The following TMC1 variants were observed in gnomAD, a reference collection of about 807,000 sequenced individuals.
The protein encoded by TMC1 is transmembrane channel-like protein 1.
A neutral mutation model predicts 105.8 loss-of-function variants in TMC1; 84 were observed. The ratio of observed to expected loss-of-function variants is 0.79; its 90% CI spans 0.67 to 0.95. The LOEUF is 0.95. Ranked by LOEUF, TMC1 falls within the 40% of genes least tolerant of loss-of-function variation. The pLI, the probability that TMC1 is intolerant of heterozygous loss-of-function variation, is 0.00. For missense variants in TMC1, 817 were observed against 914.1 expected (o/e 0.89, Z 1.37); for synonymous variants, 315 against 311.5 (o/e 1.01, Z -0.12).
At chr9:72,706,407 T>A (rs1357802609) in intron 8 of TMC1, among the ~76,000 whole-genome samples, 2 of 152,150 alleles carry the variant, frequency 1.3e-5, no homozygotes, top group Non-Finnish European at 2.9e-5. Flanking sequence ...TTTCCATAAG[T>A]TTTTGGGGAA....
chr9:72,738,140 A>G (rs1314301078), intron 8 of TMC1, among the ~76,000 whole-genome samples: 1 of 152,190 alleles, frequency 6.6e-6, no homozygotes, highest in East Asian at 1.9e-4. Context: ...GGTCAATGCT[A>G]TGGAAGTTAC....
chr9:72,694,963 G>T (rs1054893026), intron 7 of TMC1, among the ~76,000 whole-genome samples: 6 of 152,142 alleles, frequency 3.9e-5, no homozygotes, highest in African/African-American at 1.4e-4. Context: ...ATAGGTCGTT[G>T]ACATATTACA....
At chr9:72,648,767 C>T in intron 5 of TMC1, 103 bp downstream of exon 5, 1 of 980,050 alleles carries the variant, frequency 1.0e-6, no homozygotes, top group Non-Finnish European at 1.6e-6. Context: ...TTTGTTCCCT[C>T]TTTTGGGGCT....
At chr9:72,563,674 G>A (rs916771253) in intron 1 of TMC1, among the ~76,000 whole-genome samples, 1 of 152,002 alleles carries the variant, frequency 6.6e-6, no homozygotes, top group Non-Finnish European at 1.5e-5. Flanking sequence ...TGAGATGGGT[G>A]GATCACCTGA....
chr9:72,758,041 T>A (rs1472527589), intron 12 of TMC1, among the ~76,000 whole-genome samples: 2 of 152,356 alleles, frequency 1.3e-5, no homozygotes, highest in East Asian at 3.9e-4. Context: ...TAGGATTATA[T>A]AGTCATTATC....
chr9:72,714,469 T>G (rs1457730217), intron 8 of TMC1, among the ~76,000 whole-genome samples: 1 of 152,226 alleles, frequency 6.6e-6, no homozygotes, highest in Non-Finnish European at 1.5e-5. Flanking sequence ...GCATATATAT[T>G]TAGGATAGTT....
chr9:72,528,707 G>A (rs1349793817), intron 1 of TMC1, among the ~76,000 whole-genome samples: 1 of 152,104 alleles, frequency 6.6e-6, no homozygotes, highest in Non-Finnish European at 1.5e-5. Context: ...TGAATCTGAG[G>A]ACCCAAGACT....
chr9:72,631,161 G>C (rs186618666), intron 4 of TMC1, among the ~76,000 whole-genome samples: 32 of 152,084 alleles, frequency 2.1e-4, no homozygotes, highest in African/African-American at 7.0e-4. Flanking sequence ...TTACAGGTGT[G>C]AGCACCACAC....
intron 8 of TMC1, among the ~76,000 whole-genome samples, chr9:72,712,326 G>A (rs562833566): frequency 1.3e-5 from 2 of 152,150 alleles, no homozygotes; most frequent in East Asian, 3.9e-4. Context: ...GTAGTTTGAT[G>A]GGGATAGCAT....
At chr9:72,745,199 C>T (rs1827469319) in intron 10 of TMC1, among the ~76,000 whole-genome samples, 1 of 152,142 alleles carries the variant, frequency 6.6e-6, no homozygotes, top group Non-Finnish European at 1.5e-5. Flanking sequence ...GCTCTACAAA[C>T]ATTGTTTCAT....
rs1035671027 is a variant in TMC1 at position 72,610,041 on chromosome 9, G to A, written c.-305-6327G>A. Among the ~76,000 whole-genome samples, 8 of 151,892 alleles carry A rather than the reference G, an allele frequency of 5.3e-5. 1 individual carries two copies. The South Asian group carries it at 1.7e-3, about 32-fold the overall frequency. ...CTGCTCAGTGAACTATTTGAGACCA[G>A]GACACCATTTTGCATACCTAGCACA... is the stretch of plus-strand genomic sequence containing the variant. On this transcript the variant is annotated intron_variant, in intron 2 of 23. Transcript: ENST00000297784.
At chr9:72,536,568 G>A (rs1332159259) in intron 1 of TMC1, among the ~76,000 whole-genome samples, 8 of 152,138 alleles carry the variant, frequency 5.3e-5, no homozygotes, top group African/African-American at 1.7e-4. Flanking sequence ...TCCTGACCTC[G>A]TGATCCGCCT....
At chr9:72,669,418 A>G (rs1381129582) in intron 5 of TMC1, among the ~76,000 whole-genome samples, 1 of 152,240 alleles carries the variant, frequency 6.6e-6, no homozygotes, top group Non-Finnish European at 1.5e-5. Flanking sequence ...AAATTTTGGC[A>G]TATTTCATTT....
intron 2 of TMC1, among the ~76,000 whole-genome samples, chr9:72,612,434 A>G (rs987235410): frequency 2.0e-5 from 3 of 151,992 alleles, no homozygotes; most frequent in African/African-American, 7.2e-5. Flanking sequence ...TTGGCCCCCC[A>G]AAATGCTGAG....
At chr9:72,598,273 C>G (rs187591091) in intron 2 of TMC1, among the ~76,000 whole-genome samples, 3 of 152,110 alleles carry the variant, frequency 2.0e-5, no homozygotes, top group Non-Finnish European at 2.9e-5. Flanking sequence ...GCTCTTGCTC[C>G]GACAACCCAT....
intron 1 of TMC1, among the ~76,000 whole-genome samples, chr9:72,556,464 C>T (rs1823942611): frequency 6.6e-6 from 1 of 151,734 alleles, no homozygotes; most frequent in Non-Finnish European, 1.5e-5. Context: ...GAACGTCTCA[C>T]AAATTTCCAC....
chr9:72,789,329 C>A lies in TMC1; in HGVS notation c.1224+12C>A. ...GGGAAAAAAATGAAGTTCGTCTCTG[C>A]ATGCTTTTTATGTGCTTAGAACCTG... is the stretch of plus-strand genomic sequence containing the variant. On this transcript the variant is annotated intron_variant, in intron 15 of 23. Transcript: ENST00000297784. 1 of 1,612,464 alleles carries A rather than the reference C, an allele frequency of 6.2e-7. No homozygotes were observed. The highest frequency in any genetic ancestry group is 8.5e-7 in the Non-Finnish European group (1 of 1,178,528).
chr9:72,703,099 A>T (rs1826673004), intron 8 of TMC1, among the ~76,000 whole-genome samples: 2 of 151,758 alleles, frequency 1.3e-5, no homozygotes, highest in Admixed American at 6.6e-5. Flanking sequence ...CTTTATCATA[A>T]TTTTTTTCAA....
chr9:72,665,022 T>C (rs1826020209), intron 5 of TMC1, among the ~76,000 whole-genome samples: 1 of 152,142 alleles, frequency 6.6e-6, no homozygotes, highest in Non-Finnish European at 1.5e-5. Flanking sequence ...ATAACAGGCT[T>C]GCACAGCAGT....
Sources: allele counts gnomAD v4.1 joint callset (sites outside exome capture counted in the v4.1 genomes callset), GRCh38; gene constraint gnomAD v4.1.1; transcripts MANE v1.5; gene names NCBI Gene and HGNC (gene_info 2026-07-23, HGNC 2026-07-21).